Variants in ELOA observed in about 807,000 individuals in gnomAD.
ELOA encodes the protein elongin-A.
Under a neutral mutation model 85.2 loss-of-function variants are expected in ELOA, and 15 were observed. The observed-to-expected ratio is 0.18, with a 90% CI of 0.12 to 0.27. The LOEUF is 0.27. Ranked by LOEUF, ELOA falls within the 10% of genes least tolerant of loss-of-function variation. ELOA has a pLI of 1.00. For synonymous variants in ELOA, 348 were observed against 357.2 expected (o/e 0.97, Z 0.29); for missense variants, 769 against 952.7 (o/e 0.81, Z 2.54).
intron 10 of ELOA, among the ~76,000 whole-genome samples, chr1:23,758,034 C>T (rs1638225578): frequency 6.6e-6 from 1 of 151,620 alleles, no homozygotes; most frequent in Non-Finnish European, 1.5e-5. Context: ...GAGTGAGACA[C>T]TGTCTCTAAA....
In ELOA at chr1:23,749,939, C is replaced by A; in HGVS notation, c.230C>A (p.Pro77His). 6.2e-7 allele frequency: 1 copy of A among 1,613,582 alleles called. No individual in the cohort carries two copies. Among genetic ancestry groups the A allele is most frequent in the Non-Finnish European group, 8.5e-7 (1 of 1,179,668 alleles). Reference sequence around the variant, plus strand: ...GTGGCCCAGTGGAAGAAGCTGGTTCCTGTGGAACGGTAAGAACATTTCTCT... The same window carrying A: ...GTGGCCCAGTGGAAGAAGCTGGTTCATGTGGAACGGTAAGAACATTTCTCT... The part of the protein sequence containing the change: ...DLVAQWKKLV[P>H]VERNAEPDEQ... The change falls in exon 3 of 11, where the codon CCT (proline) becomes CAT (histidine). Residue 77 changes from proline to histidine, a missense_variant. This residue lies in a region of ELOA where 440 missense variants were observed against 474.0 expected (regional missense o/e 0.93). Coordinates refer to ENST00000613537, the MANE Select transcript of ELOA (RefSeq NM_003198.3).
intron 10 of ELOA, 54 bp downstream of exon 10, chr1:23,757,179 C>T: frequency 6.7e-7 from 1 of 1,481,804 alleles, no homozygotes; most frequent in Non-Finnish European, 9.0e-7. Flanking sequence ...GTTTTTAACT[C>T]TCAATGTCAT....
rs575889825 is a variant in ELOA at position 23,756,039 on chromosome 1, G to T, written c.1972+16G>T. ...AAGCCCAAAGGTAACAGAGACGGGA[G>T]AGCTGGGGGAGAACTGGCAGGATGA... On this transcript the variant is annotated intron_variant, in intron 8 of 10. Coordinates refer to ENST00000613537, the MANE Select transcript of ELOA (RefSeq NM_003198.3). 6 of 1,609,300 alleles carry T rather than the reference G, an allele frequency of 3.7e-6. No homozygotes were observed. The South Asian group carries it at 6.6e-5, about 18-fold the overall frequency.
At chr1:23,756,803 C>T in intron 9 of ELOA, 150 bp from the exon 10 acceptor site, 1 of 692,194 alleles carries the variant, frequency 1.4e-6, no homozygotes, top group Non-Finnish European at 2.3e-6. Flanking sequence ...GGAGACATCT[C>T]TGAGCCACCA....
intron 8 of ELOA, 72 bp from the exon 9 acceptor site, chr1:23,756,202 G>A: frequency 1.4e-6 from 2 of 1,468,264 alleles, no homozygotes; most frequent in Non-Finnish European, 1.8e-6. Flanking sequence ...CACTCAAAAA[G>A]CCCGTGGATT....
intron 1 of ELOA, among the ~76,000 whole-genome samples, chr1:23,744,546 C>T (rs543164407): frequency 6.6e-6 from 1 of 151,728 alleles, no homozygotes; most frequent in Non-Finnish European, 1.5e-5. Flanking sequence ...CTCCGTCTCC[C>T]GGGTTCAGGC....
At chr1:23,747,215 G>A (rs1644751075) in intron 1 of ELOA, among the ~76,000 whole-genome samples, 1 of 152,180 alleles carries the variant, frequency 6.6e-6, no homozygotes, top group Admixed American at 6.5e-5. Flanking sequence ...CACAGGAGGA[G>A]TTTTTCTGCT....
chr1:23,745,532 A>G (rs1327106020), intron 1 of ELOA, among the ~76,000 whole-genome samples: 1 of 145,118 alleles, frequency 6.9e-6, no homozygotes, highest in Non-Finnish European at 1.5e-5. Context: ...TTTTTTGAGG[A>G]TTTGGGCTCT....
In ELOA at chr1:23,754,860, C is replaced by A. The variant is rs184765109; in HGVS notation, c.1791+400C>A. 1.7e-3 allele frequency among the ~76,000 whole-genome samples: 261 copies of A among 152,112 alleles called. 3 individuals are homozygous for A. The highest frequency in any genetic ancestry group is 5.9e-3 in the African/African-American group (246 of 41,460). ...GAAACATCAAGATTTATCCAGAATC[C>A]TCCTTAGGATGTAGGGTATACACAT... On this transcript the variant is annotated intron_variant, in intron 7 of 10. Transcript: ENST00000613537.
At chr1:23,748,608 T>A (rs1644756641) in intron 1 of ELOA, among the ~76,000 whole-genome samples, 1 of 152,196 alleles carries the variant, frequency 6.6e-6, no homozygotes, top group African/African-American at 2.4e-5. Context: ...CTTTTCTTCC[T>A]TTTACTTCCT....
At chr1:23,747,475 G>A (rs1211953111) in intron 1 of ELOA, among the ~76,000 whole-genome samples, 2 of 152,206 alleles carry the variant, frequency 1.3e-5, no homozygotes, top group Non-Finnish European at 2.9e-5. Flanking sequence ...AGAGCTTAGT[G>A]TAGTAGCTGA....
intron 5 of ELOA, among the ~76,000 whole-genome samples, chr1:23,753,157 CA>C (rs756708055): frequency 1.3e-5 from 2 of 152,014 alleles, no homozygotes; most frequent in African/African-American, 2.4e-5. Context: ...CAAAAACAAA[CA>C]AAAAAACTAT....
At chr1:23,749,793 C>T (rs1429488378) in intron 2 of ELOA, 49 bp from the exon 3 acceptor site, 13 of 1,519,176 alleles carry the variant, frequency 8.6e-6, no homozygotes, top group Admixed American at 5.5e-5. Flanking sequence ...TTTAGAAAAA[C>T]GTTAGCCTAG....
intron 3 of ELOA, 58 bp from the exon 4 acceptor site, chr1:23,750,787 T>A (rs1336491227): frequency 2.0e-6 from 3 of 1,464,562 alleles, no homozygotes; most frequent in Non-Finnish European, 2.7e-6. Flanking sequence ...ATTCTGTGAC[T>A]TTGTCCCTCA....
At position 23,760,051 on chromosome 1, in the gene ELOA, G is replaced by A. The variant is rs559346148; in HGVS notation, c.*478G>A. On this transcript the variant is annotated 3_prime_UTR_variant, in exon 11 of 11. Coordinates refer to ENST00000613537, the MANE Select transcript of ELOA (RefSeq NM_003198.3). ...CTGTGTGGACTCTGGTCCAGACAGA[G>A]GACTGGGCATCTCCAGAGCCTGCAC... is the stretch of plus-strand genomic sequence containing the variant. 57 of 165,942 alleles carry A rather than the reference G, an allele frequency of 3.4e-4. No homozygotes were observed. The highest frequency in any genetic ancestry group is 1.2e-3 in the African/African-American group (51 of 41,644). The allele number at this position is 165,942 out of a possible 1,614,324, so 10.3% of individuals were successfully genotyped here. A position where few individuals can be genotyped will look rare whatever the true frequency, so the allele number is the denominator to read the frequency against.
intron 1 of ELOA, chr1:23,743,886 T>G: frequency 4.3e-6 from 1 of 230,778 alleles, no homozygotes; most frequent in African/African-American, 2.3e-5. Flanking sequence ...AGCCAGCTGT[T>G]TCCTGCGGGA....
Position 23,749,050 on chromosome 1 carries a change from C to T in ELOA, c.105C>T (p.Thr35=), listed in dbSNP as rs1644758286. The change falls in exon 2 of 11, where the codon ACC becomes ACT. Residue 35 remains threonine (T), a synonymous_variant. Transcript: ENST00000613537. ...TGAAATATTTGAAGAAACTCTCCAC[C>T]CTGCCTATTACAGTAGACATTCTTG... ...KLLKYLKKLS[T]LPITVDILAE... The T allele has an allele frequency of 1.2e-6, 2 of 1,613,176 alleles. No individual in the cohort carries two copies. The highest frequency in any genetic ancestry group is 1.3e-5 in the African/African-American group (1 of 74,860).
intron 7 of ELOA, among the ~76,000 whole-genome samples, chr1:23,755,536 C>A (rs185928894): frequency 7.9e-5 from 12 of 152,214 alleles, no homozygotes; most frequent in Admixed American, 5.2e-4. Flanking sequence ...AATCCCAGCA[C>A]TCTGGGAGGC....
chr1:23,754,311 C>T, intron 6 of ELOA, 52 bp from the exon 7 acceptor site: 1 of 1,614,032 alleles, frequency 6.2e-7, no homozygotes, highest in Non-Finnish European at 8.5e-7. Context: ...TGGACCTTAT[C>T]ACTGGGTGGC....
Sources: gnomAD v4.1 joint callset for allele counts (sites outside exome capture counted in the v4.1 genomes callset) on GRCh38, gnomAD v4.1.1 for gene constraint, gnomAD v4.1.1 regional missense constraint, MANE v1.5 for transcripts, NCBI Gene and HGNC (gene_info 2026-07-23, HGNC 2026-07-21) for gene names.